NAALADL2: variants seen among roughly 807,000 people sequenced by gnomAD.
The protein encoded by NAALADL2 is N-acetylated alpha-linked acidic dipeptidase like 2.
In NAALADL2, 76 loss-of-function variants were observed where a neutral mutation model predicts 87.2. The ratio of observed to expected loss-of-function variants is 0.87; its 90% CI spans 0.72 to 1.05. The LOEUF is 1.05. Ranked by LOEUF, NAALADL2 falls within the 50% of genes least tolerant of loss-of-function variation. NAALADL2 has a pLI of 0.00. For synonymous variants in NAALADL2, 354 were observed against 331.0 expected (o/e 1.07, Z -0.75); for missense variants, 1,089 against 945.8 (o/e 1.15, Z -1.99).
intron 13 of NAALADL2, among the ~76,000 whole-genome samples, chr3:175,792,795 A>G (rs1472699692): frequency 1.3e-5 from 2 of 152,198 alleles, no homozygotes; most frequent in South Asian, 2.1e-4. Context: ...TCATCAAGGA[A>G]TAAGTTTCTT....
chr3:174,781,589 C>A (rs1223699068), intron 3 of NAALADL2, among the ~76,000 whole-genome samples: 4 of 151,842 alleles, frequency 2.6e-5, no homozygotes, highest in Admixed American at 6.6e-5. Flanking sequence ...AAAATACTTT[C>A]TTTTTAGGGT....
At chr3:175,407,088 G>A (rs1712548032) in intron 5 of NAALADL2, among the ~76,000 whole-genome samples, 1 of 152,058 alleles carries the variant, frequency 6.6e-6, no homozygotes, top group Non-Finnish European at 1.5e-5. Context: ...TGAGGCTGAG[G>A]CAGGAGAATC....
At chr3:175,182,303 T>C (rs1489863376) in intron 2 of NAALADL2, among the ~76,000 whole-genome samples, 1 of 152,092 alleles carries the variant, frequency 6.6e-6, no homozygotes, top group African/African-American at 2.4e-5. Context: ...ACTAGCTCTT[T>C]ACCAAATGTA....
At chr3:174,648,400 A>G (rs976273008) in intron 2 of NAALADL2, among the ~76,000 whole-genome samples, 2 of 152,022 alleles carry the variant, frequency 1.3e-5, no homozygotes, top group African/African-American at 4.8e-5. Flanking sequence ...CTTAGTAGAT[A>G]TAGTGTTTGA....
intron 3 of NAALADL2, 87 bp from the exon 4 acceptor site, chr3:175,256,324 A>C (rs1749932417): frequency 2.5e-6 from 3 of 1,219,826 alleles, no homozygotes; most frequent in African/African-American, 3.0e-5. Flanking sequence ...TCAAATTATG[A>C]TGAATAATTT....
At chr3:174,953,744 G>A (rs867908272) in intron 1 of NAALADL2, among the ~76,000 whole-genome samples, 13 of 151,864 alleles carry the variant, frequency 8.6e-5, no homozygotes, top group African/African-American at 2.4e-4. Flanking sequence ...GCTTTTCCCC[G>A]GAGCAGGTTA....
At chr3:174,977,474 C>A (rs1467631838) in intron 1 of NAALADL2, among the ~76,000 whole-genome samples, 1 of 152,192 alleles carries the variant, frequency 6.6e-6, no homozygotes, top group Admixed American at 6.5e-5. Flanking sequence ...GCTTCAAATT[C>A]TTCACTATAA....
At chr3:175,714,635 T>C (rs2150011205) in intron 11 of NAALADL2, among the ~76,000 whole-genome samples, 1 of 152,342 alleles carries the variant, frequency 6.6e-6, no homozygotes, top group Non-Finnish European at 1.5e-5. Context: ...ATTAGCCCTT[T>C]GTCAGATGAG....
intron 2 of NAALADL2, among the ~76,000 whole-genome samples, chr3:174,594,439 C>T (rs1270720706): frequency 1.3e-5 from 2 of 152,162 alleles, no homozygotes; most frequent in Non-Finnish European, 2.9e-5. Flanking sequence ...AAGAATAATG[C>T]TTAGAATAAT....
At chr3:175,153,237 A>G (rs951900475) in intron 2 of NAALADL2, among the ~76,000 whole-genome samples, 8 of 152,104 alleles carry the variant, frequency 5.3e-5, no homozygotes, top group African/African-American at 1.7e-4. Context: ...AGCCAAATGG[A>G]GGGAGAGATA....
At chr3:175,296,456 T>C (rs1443515139) in intron 4 of NAALADL2, among the ~76,000 whole-genome samples, 2 of 152,186 alleles carry the variant, frequency 1.3e-5, no homozygotes, top group Admixed American at 6.5e-5. Context: ...CATGCATATG[T>C]TTAAACAGGT....
chr3:175,110,703 G>A lies in NAALADL2; in HGVS notation c.545+13412G>A, dbSNP rs9841702. 7.6e-3 allele frequency among the ~76,000 whole-genome samples: 1,157 copies of A among 151,872 alleles called. 15 individuals carry two copies. The highest frequency in any genetic ancestry group is 0.027 in the African/African-American group (1,119 of 41,484). ...ATCAGAGCAAATTGAATAACAAAGAGTACTGATATTACTACAATAACCTAT... is the reference window on the plus strand; with the variant it reads ...ATCAGAGCAAATTGAATAACAAAGAATACTGATATTACTACAATAACCTAT... On this transcript the variant is annotated intron_variant, in intron 2 of 13. Transcript: ENST00000454872.
intron 1 of NAALADL2, among the ~76,000 whole-genome samples, chr3:174,987,523 T>C (rs372051091): frequency 0.058 from 6,319 of 108,518 alleles, 503 homozygotes; most frequent in African/African-American, 0.21. Flanking sequence ...GAGCCGAGAT[T>C]GCGCCACTGC....
chr3:174,852,343 T>A (rs947247852), intron 3 of NAALADL2, among the ~76,000 whole-genome samples: 5 of 152,032 alleles, frequency 3.3e-5, no homozygotes, highest in Non-Finnish European at 2.9e-5. Context: ...AAAAAAACAA[T>A]TAGAACTGAT....
chr3:175,167,430 T>C (rs750119678), intron 2 of NAALADL2, among the ~76,000 whole-genome samples: 8 of 152,082 alleles, frequency 5.3e-5, no homozygotes, highest in Non-Finnish European at 1.2e-4. Flanking sequence ...CTTGGCTCTT[T>C]CTTTCCTTTC....
At chr3:175,369,339 G>A (rs564631004) in intron 5 of NAALADL2, among the ~76,000 whole-genome samples, 5 of 152,068 alleles carry the variant, frequency 3.3e-5, no homozygotes, top group South Asian at 2.1e-4. Context: ...GCCTGTGTGC[G>A]TGTGTGTACA....
At chr3:174,949,644 C>T (rs1163700363) in intron 1 of NAALADL2, among the ~76,000 whole-genome samples, 1 of 152,174 alleles carries the variant, frequency 6.6e-6, no homozygotes, top group Non-Finnish European at 1.5e-5. Context: ...AAACACGGAA[C>T]ACCATTGCAC....
At chr3:175,242,542 C>T (rs915140545) in intron 3 of NAALADL2, 2 of 152,168 alleles carry the variant, frequency 1.3e-5, no homozygotes, top group Non-Finnish European at 2.9e-5. Flanking sequence ...AATGAATTTG[C>T]AACTCCTTCA....
At chr3:174,533,600 A>G (rs1003963434) in intron 1 of NAALADL2, among the ~76,000 whole-genome samples, 2 of 146,784 alleles carry the variant, frequency 1.4e-5, no homozygotes, top group Non-Finnish European at 3.0e-5. Flanking sequence ...TGGAGAGAGG[A>G]AGAAGCAACA....
Sources: gnomAD v4.1 joint callset for allele counts (sites outside exome capture counted in the v4.1 genomes callset) on GRCh38, gnomAD v4.1.1 for gene constraint, MANE v1.5 for transcripts, NCBI Gene and HGNC (gene_info 2026-07-23, HGNC 2026-07-21) for gene names.